Variants in MACROD2 observed in about 807,000 individuals in gnomAD.
The protein encoded by MACROD2 is ADP-ribose glycohydrolase MACROD2.
MACROD2 carries 36 observed loss-of-function variants against 70.4 expected under a neutral mutation model. The observed-to-expected ratio is 0.51, with a 90% CI of 0.39 to 0.68. The LOEUF (loss-of-function observed/expected upper bound fraction) is 0.68, where lower values mean the gene tolerates loss of function less well. MACROD2 is among the 30% of genes least tolerant of loss of function. The probability of loss-of-function intolerance (pLI) is 0.00; values close to 1 mark genes in which losing one functional copy is unlikely to be tolerated. For synonymous variants in MACROD2, 172 were observed against 178.8 expected, an observed-to-expected ratio of 0.96 and a Z score of 0.30; for missense variants, 496 against 538.4, an observed-to-expected ratio of 0.92 and a Z score of 0.78.
chr20:14,568,998 T>C (rs1980000283), intron 4 of MACROD2, among the ~76,000 whole-genome samples: 1 of 151,976 alleles, frequency 6.6e-6, no homozygotes, highest in African/African-American at 2.4e-5. Flanking sequence ...CAATCTATCT[T>C]TGAAGTGCCA....
intron 8 of MACROD2, among the ~76,000 whole-genome samples, chr20:15,510,749 G>A (rs6043338): frequency 0.035 from 5,260 of 152,244 alleles, 317 homozygotes; most frequent in African/African-American, 0.12. Context: ...AAAAACATCC[G>A]AAGACTGTGG....
chr20:14,646,517 A>G (rs1361424222), intron 4 of MACROD2, among the ~76,000 whole-genome samples: 2 of 152,120 alleles, frequency 1.3e-5, no homozygotes, highest in African/African-American at 2.4e-5. Context: ...TTAGTTATAT[A>G]TAAACGTCAG....
intron 5 of MACROD2, among the ~76,000 whole-genome samples, chr20:15,013,220 C>T (rs1028541090): frequency 3.9e-5 from 6 of 152,192 alleles, no homozygotes; most frequent in Admixed American, 2.0e-4. Context: ...CTTAGCTCAA[C>T]GAAGCCCCTG....
At chr20:15,309,277 C>G (rs1480860678) in intron 6 of MACROD2, among the ~76,000 whole-genome samples, 1 of 152,158 alleles carries the variant, frequency 6.6e-6, no homozygotes, top group South Asian at 2.1e-4. Context: ...TTGATTTTGT[C>G]AAGTTATACA....
intron 3 of MACROD2, among the ~76,000 whole-genome samples, chr20:14,277,957 T>C (rs2082273707): frequency 1.3e-5 from 2 of 152,242 alleles, no homozygotes; most frequent in African/African-American, 4.8e-5. Context: ...GAAAGTTTTC[T>C]AGGTTGAATT....
chr20:14,373,278 A>G (rs989483823), intron 3 of MACROD2, among the ~76,000 whole-genome samples: 3 of 152,184 alleles, frequency 2.0e-5, no homozygotes, highest in African/African-American at 4.8e-5. Flanking sequence ...AATTTGGCAT[A>G]TATAATATGT....
chr20:16,032,761 G>GAA (rs1601353628), intron 15 of MACROD2, among the ~76,000 whole-genome samples: 1 of 35,744 alleles, frequency 2.8e-5, no homozygotes, highest in Non-Finnish European at 6.3e-5. Flanking sequence ...GAGGAGGGAA[G>GAA]AGAGGAAGGA....
At chr20:15,107,270 C>T (rs940859425) in intron 5 of MACROD2, among the ~76,000 whole-genome samples, 3 of 151,630 alleles carry the variant, frequency 2.0e-5, no homozygotes, top group East Asian at 3.9e-4. Flanking sequence ...TTCTGGGCAA[C>T]ATTTTCTTAG....
At position 15,885,198 on chromosome 20, in the gene MACROD2, A is replaced by G. The variant is rs963182552; in HGVS notation, c.728-566A>G. ...AATCACATGTCCTTGTCCAGTTAAAAGGGATTATACTGGGAGATGATGGGA... is the reference window on the plus strand; with the variant it reads ...AATCACATGTCCTTGTCCAGTTAAAGGGGATTATACTGGGAGATGATGGGA... On this transcript the variant is annotated intron_variant, in intron 9 of 17. Coordinates refer to ENST00000684519, the MANE Select transcript of MACROD2 (RefSeq NM_001351661.2). Among the ~76,000 whole-genome samples, 4 of 152,138 alleles carry G rather than the reference A, an allele frequency of 2.6e-5. No individual in the cohort carries two copies. The East Asian group carries it at 7.7e-4, about 29-fold the overall frequency.
At chr20:15,536,834 A>G (rs1434185829) in intron 8 of MACROD2, among the ~76,000 whole-genome samples, 1 of 152,220 alleles carries the variant, frequency 6.6e-6, no homozygotes, top group Non-Finnish European at 1.5e-5. Context: ...GATAAAAAGA[A>G]ACCAGTGGAA....
intron 12 of MACROD2, among the ~76,000 whole-genome samples, chr20:15,951,749 G>T (rs1372151166): frequency 6.6e-6 from 1 of 152,006 alleles, no homozygotes; most frequent in African/African-American, 2.4e-5. Flanking sequence ...CATACATAAA[G>T]GTCTCATAAA....
chr20:14,543,945 A>AC (rs2123240526), intron 4 of MACROD2, among the ~76,000 whole-genome samples: 2 of 152,260 alleles, frequency 1.3e-5, no homozygotes, highest in East Asian at 3.9e-4. Flanking sequence ...AATTTAGTAG[A>AC]CCCCAAGTCA....
At chr20:15,058,543 A>G (rs532328482) in intron 5 of MACROD2, among the ~76,000 whole-genome samples, 1 of 152,348 alleles carries the variant, frequency 6.6e-6, no homozygotes, top group African/African-American at 2.4e-5. Flanking sequence ...TTAACTAGGC[A>G]TACTGTATTT....
At chr20:15,375,769 A>G (rs1375603163) in intron 6 of MACROD2, among the ~76,000 whole-genome samples, 1 of 152,168 alleles carries the variant, frequency 6.6e-6, no homozygotes, top group Non-Finnish European at 1.5e-5. Context: ...TCATAATGCT[A>G]TGATAGTTTT....
At chr20:15,420,239 C>T (rs2046209462) in intron 6 of MACROD2, among the ~76,000 whole-genome samples, 1 of 152,152 alleles carries the variant, frequency 6.6e-6, no homozygotes, top group Admixed American at 6.6e-5. Flanking sequence ...TGAAAGAGGG[C>T]TGCTACTATT....
At chr20:14,889,941 T>C (rs1050018712) in intron 5 of MACROD2, among the ~76,000 whole-genome samples, 5 of 152,140 alleles carry the variant, frequency 3.3e-5, no homozygotes, top group Admixed American at 6.5e-5. Flanking sequence ...ACTGCAATAA[T>C]CTGGGAGACA....
At chr20:14,587,203 C>T (rs1981441754) in intron 4 of MACROD2, among the ~76,000 whole-genome samples, 1 of 151,698 alleles carries the variant, frequency 6.6e-6, no homozygotes, top group African/African-American at 2.4e-5. Flanking sequence ...ATGTTTGATT[C>T]ATTAGATTTT....
At chr20:15,350,914 C>T (rs1479060266) in intron 6 of MACROD2, among the ~76,000 whole-genome samples, 2 of 151,910 alleles carry the variant, frequency 1.3e-5, no homozygotes, top group African/African-American at 4.8e-5. Flanking sequence ...CATTGAATTC[C>T]AGAAATTTAT....
At chr20:15,220,610 G>T (rs2076851337) in intron 5 of MACROD2, among the ~76,000 whole-genome samples, 1 of 152,186 alleles carries the variant, frequency 6.6e-6, no homozygotes, top group Non-Finnish European at 1.5e-5. Flanking sequence ...CATATTAATG[G>T]TTTATCGTAA....
Sources: allele counts gnomAD v4.1 joint callset (sites outside exome capture counted in the v4.1 genomes callset), GRCh38; gene constraint gnomAD v4.1.1; transcripts MANE v1.5; gene names NCBI Gene and HGNC (gene_info 2026-07-23, HGNC 2026-07-21).